The following SVEP1 variants were observed in gnomAD, a reference collection of about 807,000 sequenced individuals.
SVEP1 encodes the protein sushi, von Willebrand factor type A, EGF and pentraxin domain-containing protein 1.
SVEP1 carries 164 observed loss-of-function variants against 367.3 expected under a neutral mutation model. The observed-to-expected ratio is 0.45, with a 90% confidence interval of 0.39 to 0.51. The LOEUF (loss-of-function observed/expected upper bound fraction) is 0.51. Among genes scored for constraint, SVEP1 ranks in the 20% least tolerant of loss-of-function variants. The pLI, the probability that SVEP1 is intolerant of heterozygous loss-of-function variation, is 0.00. For synonymous variants in SVEP1, 1,666 were observed against 1,611.6 expected, an observed-to-expected ratio of 1.03 and a Z score of -0.81; for missense variants, 4,117 against 4,425.3, an observed-to-expected ratio of 0.93 and a Z score of 1.98.
chr9:110,405,144 A>G (rs1827936036), intron 38 of SVEP1, among the ~76,000 whole-genome samples: 2 of 152,216 alleles, frequency 1.3e-5, no homozygotes, highest in Admixed American at 1.3e-4. Context: ...CTTATTGTGG[A>G]TATTATTATT....
rs571982035 is a variant in SVEP1 at position 110,450,783 on chromosome 9, G to C, written c.3901+506C>G. The stretch of plus-strand genomic sequence containing the variant: ...AACCACCATGCCCAGCCGATAATCT[G>C]CTTTTTTAAATCTTACTTTTTGTTG... On this transcript the variant is annotated intron_variant, in intron 23 of 47. Coordinates refer to ENST00000374469, the MANE Select transcript of SVEP1 (RefSeq NM_153366.4). Among the ~76,000 whole-genome samples the C allele has an allele frequency of 3.3e-5, 5 of 151,986 alleles. No homozygotes were observed. The South Asian group carries it at 8.3e-4, about 25-fold the overall frequency.
At chr9:110,423,150 A>T (rs1213748733) in intron 36 of SVEP1, among the ~76,000 whole-genome samples, 2 of 137,500 alleles carry the variant, frequency 1.5e-5, no homozygotes, top group Non-Finnish European at 3.1e-5. Flanking sequence ...AAAAAAATAA[A>T]AAAATAAAAA....
At chr9:110,439,129 A>ATGG (rs1041746670) in intron 27 of SVEP1, among the ~76,000 whole-genome samples, 1 of 152,130 alleles carries the variant, frequency 6.6e-6, no homozygotes, top group Non-Finnish European at 1.5e-5. Flanking sequence ...AACTCCCACC[A>ATGG]TGGTGATATT....
intron 3 of SVEP1, among the ~76,000 whole-genome samples, chr9:110,533,847 T>C (rs1367395234): frequency 6.6e-6 from 1 of 152,198 alleles, no homozygotes; most frequent in East Asian, 1.9e-4. Flanking sequence ...CTGGGAATAC[T>C]AAGCTACAAT....
intron 40 of SVEP1, among the ~76,000 whole-genome samples, chr9:110,392,527 T>C (rs1399767662): frequency 1.3e-5 from 2 of 152,184 alleles, no homozygotes; most frequent in African/African-American, 4.8e-5. Flanking sequence ...TCAGCAGCCA[T>C]GGATGATCAT....
chr9:110,502,704 T>G (rs568435161), intron 6 of SVEP1, among the ~76,000 whole-genome samples: 22 of 152,328 alleles, frequency 1.4e-4, no homozygotes. Context: ...GTAAAACATG[T>G]TTAACAAAGC....
chr9:110,441,902 A>T (rs1338267227), intron 27 of SVEP1, among the ~76,000 whole-genome samples: 1 of 152,208 alleles, frequency 6.6e-6, no homozygotes, highest in East Asian at 1.9e-4. Flanking sequence ...CTCCCTATTG[A>T]TTTTAGGGTG....
chr9:110,574,339 AT>A (rs2118888917), intron 1 of SVEP1, among the ~76,000 whole-genome samples: 1 of 152,290 alleles, frequency 6.6e-6, no homozygotes, highest in East Asian at 1.9e-4. Context: ...TGAAAAACTG[AT>A]TTTTCCAGGG....
chr9:110,394,191 C>T (rs534652023), intron 40 of SVEP1, among the ~76,000 whole-genome samples: 22 of 151,992 alleles, frequency 1.4e-4, no homozygotes, highest in Admixed American at 9.8e-4. Context: ...GCAGCATTTG[C>T]GGTTCACCAA....
intron 41 of SVEP1, among the ~76,000 whole-genome samples, chr9:110,387,660 G>A (rs903086686): frequency 4.6e-5 from 7 of 152,150 alleles, no homozygotes; most frequent in Non-Finnish European, 8.8e-5. Flanking sequence ...TAAAGATTGG[G>A]AGTTAGTCTT....
intron 3 of SVEP1, among the ~76,000 whole-genome samples, chr9:110,540,233 T>C (rs1202351722): frequency 1.3e-5 from 2 of 152,082 alleles, no homozygotes; most frequent in Admixed American, 1.3e-4. Flanking sequence ...GTCATACTAG[T>C]AACAGAGGTG....
chr9:110,522,244 A>G (rs898037812), intron 3 of SVEP1, among the ~76,000 whole-genome samples: 1 of 152,162 alleles, frequency 6.6e-6, no homozygotes, highest in Non-Finnish European at 1.5e-5. Context: ...TGTAGGCCCA[A>G]CAGAAGTTGA....
In SVEP1 at chr9:110,411,602, G is replaced by A. The variant is rs995723498; in HGVS notation, c.6109C>T (p.Arg2037Trp). Residue 2037 changes from arginine (R) to tryptophan (W), a missense_variant, in exon 37 of 48, where the codon CGG becomes TGG. Transcript: ENST00000374469. ...TAGAATGCAATGTCTCCAAAGAGCC[G>A]ATGGGCAGTCTCTGGAGAGGCGTGG... The part of the protein sequence containing the change: ...VDHASPETAH[R>W]LFGDIAFYYC... 6 of 1,613,644 alleles carry A rather than the reference G, an allele frequency of 3.7e-6. No individual in the cohort carries two copies. Among genetic ancestry groups the A allele is most frequent in the East Asian group, 2.2e-5 (1 of 44,890 alleles).
chr9:110,457,939 T>C (rs1037890240), intron 20 of SVEP1, among the ~76,000 whole-genome samples: 2 of 152,324 alleles, frequency 1.3e-5, no homozygotes, highest in South Asian at 4.1e-4. Flanking sequence ...GAGTAATGAC[T>C]GAATCTATTA....
In SVEP1 at chr9:110,527,421, A is replaced by C. The variant is rs769427595; in HGVS notation, c.965-13315T>G. 2.5e-4 allele frequency among the ~76,000 whole-genome samples: 38 copies of C among 152,188 alleles called. No individual in the cohort carries two copies. The Middle Eastern group carries it at 0.01, about 41-fold the overall frequency. On this transcript the variant is annotated intron_variant, in intron 3 of 47. Transcript: ENST00000374469. ...TTTTCTTTAATGATCGATTCCTAAA[A>C]ATTAATGAGGTGAATAGTATGTTTA...
At chr9:110,439,680 G>T (rs1214466237) in intron 27 of SVEP1, among the ~76,000 whole-genome samples, 1 of 152,080 alleles carries the variant, frequency 6.6e-6, no homozygotes, top group African/African-American at 2.4e-5. Flanking sequence ...GACTACAGGT[G>T]TGAGCCACTG....
intron 22 of SVEP1, 43 bp from the exon 23 acceptor site, chr9:110,451,445 G>A: frequency 6.8e-7 from 1 of 1,477,592 alleles, no homozygotes; most frequent in East Asian, 2.3e-5. Context: ...AAACTTGACA[G>A]AACTTTAAGA....
chr9:110,523,547 C>T (rs1447418990), intron 3 of SVEP1, among the ~76,000 whole-genome samples: 1 of 152,052 alleles, frequency 6.6e-6, no homozygotes, highest in Non-Finnish European at 1.5e-5. Flanking sequence ...CTAACTATAC[C>T]AATTAAGTGA....
intron 17 of SVEP1, among the ~76,000 whole-genome samples, chr9:110,467,900 T>C (rs1185456417): frequency 6.6e-6 from 1 of 152,134 alleles, no homozygotes; most frequent in African/African-American, 2.4e-5. Context: ...CCTCCCAAAG[T>C]GCTGGGATTA....
Sources: allele counts gnomAD v4.1 joint callset (sites outside exome capture counted in the v4.1 genomes callset), GRCh38; gene constraint gnomAD v4.1.1; transcripts MANE v1.5; gene names NCBI Gene and HGNC (gene_info 2026-07-23, HGNC 2026-07-21).